The following PTPN13 variants were observed in gnomAD, a reference collection of about 807,000 sequenced individuals.
PTPN13 encodes the protein protein tyrosine phosphatase non-receptor type 13.
In PTPN13, 191 loss-of-function variants were observed where a neutral mutation model predicts 284.0. The ratio of observed to expected loss-of-function variants is 0.67; its 90% CI spans 0.60 to 0.76. PTPN13 has a LOEUF of 0.76. Ranked by LOEUF, PTPN13 falls within the 30% of genes least tolerant of loss-of-function variation. PTPN13 has a pLI of 0.00. For synonymous variants in PTPN13, 986 were observed against 1,022.3 expected, an observed-to-expected ratio of 0.96 and a Z score of 0.68; for missense variants, 2,797 against 2,939.9, an observed-to-expected ratio of 0.95 and a Z score of 1.12.
Position 86,733,046 on chromosome 4 carries a change from T to C in PTPN13, c.1858+280T>C, listed in dbSNP as rs1735114392. On this transcript the variant is annotated intron_variant, in intron 12 of 47. Transcript: ENST00000411767. Reference sequence around the variant, plus strand: ...ATTATATTTTAGGGACCGTTTTATATGTTAATGGTCTACATGTGTACTCTA... The same window carrying C: ...ATTATATTTTAGGGACCGTTTTATACGTTAATGGTCTACATGTGTACTCTA... 2.0e-5 allele frequency among the ~76,000 whole-genome samples: 3 copies of C among 152,088 alleles called. No individual in the cohort carries two copies. The South Asian group carries it at 6.2e-4, about 31-fold the overall frequency.
At chr4:86,645,065 C>T (rs534802098) in intron 2 of PTPN13, among the ~76,000 whole-genome samples, 2 of 152,136 alleles carry the variant, frequency 1.3e-5, no homozygotes, top group Non-Finnish European at 2.9e-5. Flanking sequence ...AAAAATTAGT[C>T]AGACGTGGTG....
intron 1 of PTPN13, among the ~76,000 whole-genome samples, chr4:86,621,296 C>G (rs1293404811): frequency 6.6e-6 from 1 of 152,092 alleles, no homozygotes; most frequent in Non-Finnish European, 1.5e-5. Flanking sequence ...AGATGTAGCC[C>G]TCATGTATTT....
At chr4:86,800,436 C>A (rs1191415212) in intron 42 of PTPN13, among the ~76,000 whole-genome samples, 1 of 151,836 alleles carries the variant, frequency 6.6e-6, no homozygotes, top group Admixed American at 6.6e-5. Context: ...AGGCTGATCA[C>A]CTGAGGTCAG....
At chr4:86,760,054 G>T (rs1237123320) in intron 23 of PTPN13, among the ~76,000 whole-genome samples, 2 of 152,130 alleles carry the variant, frequency 1.3e-5, no homozygotes, top group Non-Finnish European at 2.9e-5. Context: ...TATATGTTGT[G>T]ATAAAATCTT....
rs1215805148 is a variant in PTPN13 at position 86,759,022 on chromosome 4, C to T, written c.3502C>T (p.Pro1168Ser). The T allele has an allele frequency of 1.2e-6, 2 of 1,613,524 alleles. No individual in the cohort carries two copies. The highest frequency in any genetic ancestry group is 1.1e-5 in the South Asian group (1 of 91,072). ...HAAIEILQNA[P>S]EDVTLVISQP... ...TGCAATTGAAATTTTGCAAAATGCA[C>T]CTGAAGATGTGACACTTGTTATCTC... Residue 1168 changes from proline to serine, a missense_variant, in exon 23 of 48, where the codon CCT becomes TCT. Pro to Ser is a moderately conservative substitution (Grantham distance 74). Coordinates refer to ENST00000411767, the MANE Select transcript of PTPN13 (RefSeq NM_080683.3).
intron 6 of PTPN13, among the ~76,000 whole-genome samples, chr4:86,695,184 T>A (rs1730470000): frequency 6.6e-6 from 1 of 152,138 alleles, no homozygotes; most frequent in Admixed American, 6.5e-5. Context: ...TATTTTAGCT[T>A]TCATTTCATT....
chr4:86,726,280 T>G (rs1245932846), intron 10 of PTPN13, among the ~76,000 whole-genome samples: 1 of 149,514 alleles, frequency 6.7e-6, no homozygotes, highest in Non-Finnish European at 1.5e-5. Context: ...TCTTTTTGCT[T>G]AGGATTGTCT....
chr4:86,783,788 A>G (rs1002555078), intron 37 of PTPN13, among the ~76,000 whole-genome samples: 1 of 151,484 alleles, frequency 6.6e-6, no homozygotes, highest in Non-Finnish European at 1.5e-5. Flanking sequence ...TTATTTTTGC[A>G]TTTTTTTCAA....
rs1305207738 is a variant in PTPN13 at position 86,803,784 on chromosome 4, G to A, written c.6581G>A (p.Gly2194Asp). ...GTGCTTCCCTCTGGTAAATACACGG[G>A]TGCCAACTTAAAATCAGTCATTCGA... ...VKVLPSGKYT[G>D]ANLKSVIRVL... The change falls in exon 43 of 48, where the codon GGT (glycine) becomes GAT (aspartate). Residue 2194 changes from glycine to aspartate, a missense_variant. Gly to Asp is a moderately conservative substitution (Grantham distance 94). Transcript: ENST00000411767. 1.9e-6 allele frequency: 3 copies of A among 1,613,886 alleles called. No homozygotes were observed. Among genetic ancestry groups the A allele is most frequent in the South Asian group, 2.2e-5 (2 of 91,068 alleles).
chr4:86,756,210 T>C (rs1339345794), intron 20 of PTPN13, among the ~76,000 whole-genome samples: 1 of 151,992 alleles, frequency 6.6e-6, no homozygotes, highest in East Asian at 1.9e-4. Flanking sequence ...TACCACCTCA[T>C]CAATGTGGTC....
chr4:86,646,587 T>C (rs529411193), intron 2 of PTPN13, among the ~76,000 whole-genome samples: 28 of 152,354 alleles, frequency 1.8e-4, no homozygotes, highest in African/African-American at 6.7e-4. Context: ...CACGAGCCAC[T>C]GTGCCCAGCC....
At chr4:86,773,312 A>G (rs900212237) in intron 32 of PTPN13, among the ~76,000 whole-genome samples, 2 of 152,172 alleles carry the variant, frequency 1.3e-5, no homozygotes, top group African/African-American at 4.8e-5. Flanking sequence ...GTAGTATAGT[A>G]TCTGCTACAG....
intron 2 of PTPN13, among the ~76,000 whole-genome samples, chr4:86,671,876 G>C (rs1001716277): frequency 1.3e-5 from 2 of 152,084 alleles, no homozygotes; most frequent in African/African-American, 4.8e-5. Flanking sequence ...CTTAACTTGG[G>C]ATCTATAAAT....
intron 1 of PTPN13, among the ~76,000 whole-genome samples, chr4:86,609,742 G>A (rs937707858): frequency 2.6e-5 from 4 of 151,942 alleles, no homozygotes; most frequent in African/African-American, 4.8e-5. Context: ...TCAGTTAGTC[G>A]TAAAAGCAAA....
intron 1 of PTPN13, among the ~76,000 whole-genome samples, chr4:86,606,408 G>C (rs1338855125): frequency 6.6e-6 from 1 of 151,708 alleles, no homozygotes; most frequent in Non-Finnish European, 1.5e-5. Context: ...TTTACTGTTA[G>C]TCTTTATGCT....
At chr4:86,802,149 G>T (rs1022628471) in intron 42 of PTPN13, among the ~76,000 whole-genome samples, 5 of 128,214 alleles carry the variant, frequency 3.9e-5, no homozygotes, top group East Asian at 4.2e-4. Context: ...AGATTTTAGT[G>T]TGTGTGTGTG....
intron 7 of PTPN13, among the ~76,000 whole-genome samples, chr4:86,707,041 A>G (rs1315470692): frequency 6.6e-6 from 1 of 152,070 alleles, no homozygotes; most frequent in Non-Finnish European, 1.5e-5. Context: ...CTTTCTTGTA[A>G]TGTGATTACC....
intron 2 of PTPN13, among the ~76,000 whole-genome samples, chr4:86,641,446 G>C (rs1209096169): frequency 6.6e-6 from 1 of 152,080 alleles, no homozygotes; most frequent in Non-Finnish European, 1.5e-5. Flanking sequence ...CATTTCTACT[G>C]GGGTATTATT....
intron 9 of PTPN13, 86 bp from the exon 10 acceptor site, chr4:86,722,126 A>G: frequency 1.8e-6 from 2 of 1,121,178 alleles, no homozygotes; most frequent in African/African-American, 1.6e-5. Flanking sequence ...AACTCTTGCA[A>G]CCTTACTTAA....
Sources: gnomAD v4.1 joint callset for allele counts (sites outside exome capture counted in the v4.1 genomes callset) on GRCh38, gnomAD v4.1.1 for gene constraint, MANE v1.5 for transcripts, NCBI Gene and HGNC (gene_info 2026-07-23, HGNC 2026-07-21) for gene names.